Variants in PCDHA3 observed in about 807,000 individuals in gnomAD.
The protein encoded by PCDHA3 is protocadherin alpha-3.
PCDHA3 carries 41 observed loss-of-function variants against 62.2 expected under a neutral mutation model. That is an observed-to-expected ratio of 0.66 (90% CI 0.51 to 0.86). The LOEUF is 0.86. Ranked by LOEUF, PCDHA3 falls within the 40% of genes least tolerant of loss-of-function variation. The probability of loss-of-function intolerance (pLI) is 0.00; values close to 1 mark genes in which losing one functional copy is unlikely to be tolerated. For synonymous variants in PCDHA3, 640 were observed against 555.4 expected, an observed-to-expected ratio of 1.15 and a Z score of -2.14; for missense variants, 1,304 against 1,241.2, an observed-to-expected ratio of 1.05 and a Z score of -0.76.
At chr5:140,875,242 T>A in intron 1 of PCDHA3, 1 of 943,028 alleles carries the variant, frequency 1.1e-6, no homozygotes, top group Non-Finnish European at 1.5e-6. Flanking sequence ...TGTACTTACA[T>A]AATCAGTCAC....
At chr5:140,983,408 A>G (rs1554245369) in intron 3 of PCDHA3, among the ~76,000 whole-genome samples, 1 of 152,208 alleles carries the variant, frequency 6.6e-6, no homozygotes, top group Non-Finnish European at 1.5e-5. Flanking sequence ...GGGAAGATTA[A>G]GTGTTGGTAG....
In PCDHA3 at chr5:140,903,129, A is replaced by C. The variant is rs184256724; in HGVS notation, c.2395-75820A>C. On this transcript the variant is annotated intron_variant, in intron 1 of 3. Coordinates refer to ENST00000522353, the MANE Select transcript of PCDHA3 (RefSeq NM_018906.3). ...TAGCTCTACTTCTAAATCTTTAAGA[A>C]ATCTCCAAACTGTTTTCCATAGTGG... Among the ~76,000 whole-genome samples the C allele has an allele frequency of 2.8e-3, 421 of 152,322 alleles. 2 individuals carry two copies. Among genetic ancestry groups the C allele is most frequent in the Middle Eastern group, 0.014 (4 of 294 alleles).
At chr5:140,936,628 T>C (rs1208761817) in intron 1 of PCDHA3, among the ~76,000 whole-genome samples, 5 of 152,258 alleles carry the variant, frequency 3.3e-5, no homozygotes, top group Non-Finnish European at 7.3e-5. Flanking sequence ...GTGCTACCTT[T>C]GTCATAAGCA....
At position 140,835,665 on chromosome 5, in the gene PCDHA3, C is replaced by A. The variant is rs2150241242; in HGVS notation, c.2394+32074C>A. On this transcript the variant is annotated intron_variant, in intron 1 of 3. Coordinates refer to ENST00000522353, the MANE Select transcript of PCDHA3 (RefSeq NM_018906.3). ...CGCCTATGAGCTGGTGGTTACCGCG[C>A]GGGACGGGGGCTCGCCTTCTCTGTG... 5 of 1,613,890 alleles carry A rather than the reference C, an allele frequency of 3.1e-6. No individual in the cohort carries two copies. In the East Asian group the frequency reaches 6.7e-5, roughly 22 times the overall value.
intron 1 of PCDHA3, among the ~76,000 whole-genome samples, chr5:140,949,473 G>A (rs2094384488): frequency 6.6e-6 from 1 of 151,492 alleles, no homozygotes; most frequent in South Asian, 2.1e-4. Flanking sequence ...CCTGTTATTA[G>A]GCACACACAT....
chr5:140,848,720 G>A, intron 1 of PCDHA3: 1 of 1,592,556 alleles, frequency 6.3e-7, no homozygotes, highest in Non-Finnish European at 8.6e-7. Flanking sequence ...GGGACCTTCT[G>A]GAGGTAAATC....
At chr5:140,968,578 C>T in intron 1 of PCDHA3, 3 of 1,614,206 alleles carry the variant, frequency 1.9e-6, no homozygotes, top group Non-Finnish European at 2.5e-6. Context: ...GCTACCTGGT[C>T]ACCAAAGTCA....
At chr5:140,957,109 T>C (rs2095334016) in intron 1 of PCDHA3, among the ~76,000 whole-genome samples, 1 of 152,174 alleles carries the variant, frequency 6.6e-6, no homozygotes, top group Non-Finnish European at 1.5e-5. Context: ...ATGGACATGA[T>C]TCTGTGTGTT....
intron 1 of PCDHA3, chr5:140,849,631 C>T (rs1420116436): frequency 1.3e-6 from 2 of 1,598,614 alleles, no homozygotes; most frequent in Admixed American, 1.7e-5. Context: ...GACCTAGACG[C>T]AGATGCCAAC....
intron 1 of PCDHA3, chr5:140,868,176 CAT>C (rs1246417615): frequency 2.0e-5 from 3 of 152,006 alleles, no homozygotes; most frequent in African/African-American, 7.2e-5. Flanking sequence ...TTTGATATCT[CAT>C]ATTATGCTAC....
chr5:140,867,131 T>C (rs769857763), intron 1 of PCDHA3: 1 of 152,188 alleles, frequency 6.6e-6, no homozygotes, highest in African/African-American at 2.4e-5. Context: ...TTCAAATATG[T>C]GATATTATCA....
intron 1 of PCDHA3, chr5:140,813,507 A>G (rs544423218): frequency 6.6e-6 from 1 of 152,202 alleles, no homozygotes; most frequent in Non-Finnish European, 1.5e-5. Flanking sequence ...TACAGTAAAA[A>G]CATTGTACAG....
intron 1 of PCDHA3, chr5:140,808,965 A>C (rs1554124924): frequency 1.9e-6 from 3 of 1,613,528 alleles, no homozygotes; most frequent in Admixed American, 1.7e-5. Flanking sequence ...GTGGTGGCAA[A>C]GGTGCGCGCG....
intron 1 of PCDHA3, among the ~76,000 whole-genome samples, chr5:140,951,019 G>A (rs555662052): frequency 2.0e-5 from 3 of 152,114 alleles, no homozygotes; most frequent in African/African-American, 7.2e-5. Context: ...ATCAGGCAGT[G>A]AGTTTTAATT....
chr5:140,883,747 G>A (rs781812387), intron 1 of PCDHA3: 5 of 1,613,274 alleles, frequency 3.1e-6, no homozygotes, highest in South Asian at 2.2e-5. Context: ...TCTCCTACTC[G>A]CTGGTGGAGC....
At chr5:140,882,611 C>T in intron 1 of PCDHA3, 1 of 1,614,252 alleles carries the variant, frequency 6.2e-7, no homozygotes, top group Non-Finnish European at 8.5e-7. Context: ...CAGGCCTCTG[C>T]AGGTTTTCCA....
At chr5:140,948,447 A>G (rs2094256090) in intron 1 of PCDHA3, among the ~76,000 whole-genome samples, 1 of 151,282 alleles carries the variant, frequency 6.6e-6, no homozygotes, top group Non-Finnish European at 1.5e-5. Flanking sequence ...TGTGCCAGGG[A>G]TTTTCTTTTA....
chr5:140,930,012 A>G (rs1369011586), intron 1 of PCDHA3: 1 of 152,208 alleles, frequency 6.6e-6, no homozygotes, highest in Non-Finnish European at 1.5e-5. Context: ...CATAGCTGAT[A>G]GCTCCATAGC....
intron 3 of PCDHA3, among the ~76,000 whole-genome samples, chr5:141,006,560 C>G (rs1179730864): frequency 2.0e-5 from 3 of 152,084 alleles, no homozygotes; most frequent in Non-Finnish European, 4.4e-5. Flanking sequence ...AAAGATGACT[C>G]TGGCTACTGT....
Sources: gnomAD v4.1 joint callset for allele counts (sites outside exome capture counted in the v4.1 genomes callset) on GRCh38, gnomAD v4.1.1 for gene constraint, MANE v1.5 for transcripts, NCBI Gene and HGNC (gene_info 2026-07-23, HGNC 2026-07-21) for gene names.